Variants in ACACA observed in about 807,000 individuals in gnomAD.
ACACA encodes the protein acetyl-CoA carboxylase 1.
ACACA carries 103 observed loss-of-function variants against 296.1 expected under a neutral mutation model. The observed-to-expected ratio is 0.35, with a 90% CI of 0.30 to 0.41. ACACA has a LOEUF of 0.41. Among genes scored for constraint, ACACA ranks in the 10% least tolerant of loss-of-function variants. The pLI, the probability that ACACA is intolerant of heterozygous loss-of-function variation, is 1.00. For synonymous variants in ACACA, 953 were observed against 1,038.6 expected (o/e 0.92, Z 1.58); for missense variants, 1,554 against 2,989.7 (o/e 0.52, Z 11.20).
At chr17:37,147,207 G>A (rs1488255081) in intron 45 of ACACA, among the ~76,000 whole-genome samples, 3 of 151,996 alleles carry the variant, frequency 2.0e-5, no homozygotes, top group Non-Finnish European at 4.4e-5. Flanking sequence ...CCTTACACAG[G>A]TACATACTAT....
Position 37,406,432 on chromosome 17 carries a change from G to C in ACACA, c.-133C>G. ...CTCTTCACCCCTTAAAATCAGTCTG[G>C]TTCATCCACGAGCAGCCCTTCGGGG... On this transcript the variant is annotated 5_prime_UTR_variant, in exon 1 of 56. Transcript: ENST00000616317. 1 of 1,034,844 alleles carries C rather than the reference G, an allele frequency of 9.7e-7. No individual in the cohort carries two copies. Among genetic ancestry groups the C allele is most frequent in the South Asian group, 1.3e-5 (1 of 78,880 alleles). The allele number at this position is 1,034,844 out of a possible 1,614,324, so 64.1% of individuals were successfully genotyped here.
intron 50 of ACACA, among the ~76,000 whole-genome samples, chr17:37,116,552 G>C (rs1325629058): frequency 1.3e-5 from 2 of 152,034 alleles, no homozygotes; most frequent in African/African-American, 2.4e-5. Flanking sequence ...GGAGCATCAG[G>C]GTTTGTTAAA....
chr17:37,360,492 C>T (rs2049362128), intron 1 of ACACA: 1 of 152,052 alleles, frequency 6.6e-6, no homozygotes, highest in South Asian at 2.1e-4. Flanking sequence ...TTTATCAACC[C>T]ATTTTTAAAA....
chr17:37,323,546 T>C (rs554491518), intron 3 of ACACA, among the ~76,000 whole-genome samples: 31 of 152,308 alleles, frequency 2.0e-4, no homozygotes, highest in Admixed American at 1.7e-3. Context: ...TGAGCTATGA[T>C]TGCGCCACTG....
At chr17:37,218,121 CCT>C (rs2079114432) in intron 29 of ACACA, among the ~76,000 whole-genome samples, 2 of 145,952 alleles carry the variant, frequency 1.4e-5, no homozygotes, top group Admixed American at 1.4e-4. Context: ...AATAATTTTT[CCT>C]CTCTCCACGG....
chr17:37,219,922 T>C (rs1294839967), intron 29 of ACACA, among the ~76,000 whole-genome samples: 1 of 152,004 alleles, frequency 6.6e-6, no homozygotes, highest in Non-Finnish European at 1.5e-5. Context: ...ATGATTTTAT[T>C]TTTCCTTTTT....
chr17:37,276,729 A>T (rs934393590), intron 7 of ACACA, among the ~76,000 whole-genome samples: 31 of 152,342 alleles, frequency 2.0e-4, no homozygotes, highest in African/African-American at 7.5e-4. Context: ...ATTTTCCCAC[A>T]TGCTTTCTTA....
chr17:37,214,332 G>A (rs1012492033), intron 29 of ACACA, among the ~76,000 whole-genome samples: 4 of 152,192 alleles, frequency 2.6e-5, no homozygotes, highest in Admixed American at 6.5e-5. Context: ...TGAGTCTACT[G>A]CAGAGCTTTA....
At chr17:37,143,652 C>A (rs185806880) in intron 45 of ACACA, 2 of 893,438 alleles carry the variant, frequency 2.2e-6, no homozygotes, top group Admixed American at 2.2e-5. Flanking sequence ...GCTTTATAGA[C>A]AAGAAAAAAA....
intron 24 of ACACA, among the ~76,000 whole-genome samples, chr17:37,237,607 ACTT>A (rs771573104): frequency 5.9e-5 from 9 of 152,274 alleles, no homozygotes; most frequent in African/African-American, 1.4e-4. Context: ...AATTATTTGT[ACTT>A]CTTCTTCTGT....
chr17:37,125,247 G>A (rs1479964515), intron 48 of ACACA, among the ~76,000 whole-genome samples: 1 of 150,462 alleles, frequency 6.6e-6, no homozygotes, highest in Non-Finnish European at 1.5e-5. Context: ...ATTCACATCT[G>A]ATTATAATCC....
chr17:37,152,684 A>G (rs1329911833), intron 43 of ACACA, among the ~76,000 whole-genome samples: 2 of 152,172 alleles, frequency 1.3e-5, no homozygotes, highest in Non-Finnish European at 2.9e-5. Flanking sequence ...GGAGATGGGG[A>G]ATGCAACTAA....
At chr17:37,256,871 T>C (rs1331684669) in intron 14 of ACACA, among the ~76,000 whole-genome samples, 2 of 152,188 alleles carry the variant, frequency 1.3e-5, no homozygotes, top group East Asian at 1.9e-4. Flanking sequence ...TAAACACTTA[T>C]TAATTACCTA....
At chr17:37,365,978 C>T (rs1008322884) in intron 1 of ACACA, among the ~76,000 whole-genome samples, 3 of 152,164 alleles carry the variant, frequency 2.0e-5, no homozygotes, top group East Asian at 3.8e-4. Flanking sequence ...TTTCTAAGTC[C>T]TACACACCTC....
Position 37,113,005 on chromosome 17 carries a change from C to T in ACACA, c.6452+83G>A. The T allele has an allele frequency of 6.5e-7, 1 of 1,532,046 alleles. No homozygotes were observed. The highest frequency in any genetic ancestry group is 9.0e-7 in the Non-Finnish European group (1 of 1,112,270). The allele number at this position is 1,532,046 out of a possible 1,614,324, so 94.9% of individuals were successfully genotyped here. A position where few individuals can be genotyped will look rare whatever the true frequency, so the allele number is the denominator to read the frequency against. On this transcript the variant is annotated intron_variant, in intron 51 of 55. Transcript: ENST00000616317. This position sits in a 1 kb window ranked among gnomAD's most constrained non-coding sequence, Gnocchi z 4.0. ...TCACAGGATGTGGGTGCTGTAGTGC[C>T]ATGGCTGTAACATTCTCCAGGAGGA... is the stretch of plus-strand genomic sequence containing the variant.
intron 3 of ACACA, among the ~76,000 whole-genome samples, chr17:37,318,852 A>G (rs945403015): frequency 6.6e-6 from 1 of 152,234 alleles, no homozygotes; most frequent in Admixed American, 6.5e-5. Flanking sequence ...GAGACTAAAA[A>G]GAAATGAGAA....
At chr17:37,346,498 G>T (rs548953528) in intron 1 of ACACA, among the ~76,000 whole-genome samples, 4 of 151,718 alleles carry the variant, frequency 2.6e-5, no homozygotes, top group African/African-American at 9.7e-5. Context: ...TCAGGAGATC[G>T]AGACCATCCT....
Position 37,086,479 on chromosome 17 carries a change from C to G in ACACA, c.*837G>C, listed in dbSNP as rs2072209017. On this transcript the variant is annotated 3_prime_UTR_variant, in exon 56 of 56. Coordinates refer to ENST00000616317, the MANE Select transcript of ACACA (RefSeq NM_198834.3). ...TCTCTTCTGGCTCCTCCTCTGCCAA[C>G]TCAGGCTTCACCACCTGTGGAACTG... 1 of 152,356 alleles carries G rather than the reference C, an allele frequency of 6.6e-6. No individual in the cohort carries two copies. The highest frequency in any genetic ancestry group is 1.5e-5 in the Non-Finnish European group (1 of 68,162). The allele number at this position is 152,356 out of a possible 1,614,324, so 9.4% of individuals were successfully genotyped here.
intron 29 of ACACA, among the ~76,000 whole-genome samples, chr17:37,211,715 C>A (rs373164537): frequency 6.6e-6 from 1 of 152,114 alleles, no homozygotes. Flanking sequence ...ACTGAGCAGG[C>A]CATATAAATA....
Sources: gnomAD v4.1 joint callset for allele counts (sites outside exome capture counted in the v4.1 genomes callset) on GRCh38, gnomAD v4.1.1 for gene constraint, Gnocchi (gnomAD v3.1) non-coding constraint, MANE v1.5 for transcripts, NCBI Gene and HGNC (gene_info 2026-07-23, HGNC 2026-07-21) for gene names.